The following IRF3 variants were observed in gnomAD, a reference collection of about 807,000 sequenced individuals.
IRF3 encodes interferon regulatory factor 3.
In IRF3, 29 loss-of-function variants were observed where a neutral mutation model predicts 43.2. The observed-to-expected ratio is 0.67, with a 90% CI of 0.50 to 0.91. The LOEUF (loss-of-function observed/expected upper bound fraction) is 0.91, where lower values mean the gene tolerates loss of function less well. Ranked by LOEUF, IRF3 falls within the 40% of genes least tolerant of loss-of-function variation. The probability of loss-of-function intolerance (pLI) is 0.00; values close to 1 mark genes in which losing one functional copy is unlikely to be tolerated. For missense variants in IRF3, 505 were observed against 559.1 expected, an observed-to-expected ratio of 0.90 and a Z score of 0.98; for synonymous variants, 228 against 233.9, an observed-to-expected ratio of 0.97 and a Z score of 0.23.
chr19:49,659,839 G>A lies in IRF3; in HGVS notation c.1099-6C>T. On this transcript the variant is annotated splice_region_variant and splice_polypyrimidine_tract_variant and intron_variant, in intron 7 of 7. Transcript: ENST00000377139. The stretch of plus-strand genomic sequence containing the variant: ...CTGAGGCACGTGGGCACAACCTGCA[G>A]GGGAAGTGGGGACAGGAGTCAGGGA... The A allele has an allele frequency of 6.4e-7, 1 of 1,571,728 alleles. No homozygotes were observed. Among genetic ancestry groups the A allele is most frequent in the African/African-American group, 1.3e-5 (1 of 74,274 alleles).
rs775706732 is a variant in IRF3, at chr19:49,662,505, G to A, written c.521C>T (p.Pro174Leu). 10 of 1,560,954 alleles carry A rather than the reference G, an allele frequency of 6.4e-6. No individual in the cohort carries two copies. In the Admixed American group the frequency reaches 1.5e-4, roughly 23 times the overall value. ...GAAGGGAGTGGGATTGTCCAAGCTGGGGCTCCGCAGGGGCTGAGGGCAGGG... is the reference window on the plus strand; with the variant it reads ...GAAGGGAGTGGGATTGTCCAAGCTGAGGCTCCGCAGGGGCTGAGGGCAGGG... ...PEPCPQPLRS[P>L]SLDNPTPFPN... Residue 174 changes from proline (P) to leucine (L), a missense_variant, in exon 5 of 8, where the codon CCC becomes CTC. By Grantham distance (98) the Pro-to-Leu change is moderately conservative. Transcript: ENST00000377139.
rs747712427 is a variant in IRF3, at chr19:49,663,493, C to T, written c.187G>A (p.Ala63Thr). The T allele has an allele frequency of 7.8e-5, 126 of 1,614,010 alleles. No homozygotes were observed. Among genetic ancestry groups the T allele is most frequent in the Non-Finnish European group, 1.0e-4 (119 of 1,180,012 alleles). Residue 63 changes from alanine to threonine, a missense_variant, in exon 3 of 8, where the codon GCA becomes ACA. Transcript: ENST00000377139. ...IFQAWAEATGAYVPGRDKPDL... is the reference protein window; with the variant it reads ...IFQAWAEATGTYVPGRDKPDL... Reference sequence around the variant, plus strand: ...GGCTTATCCCTCCCGGGAACATATGCACCAGTGGCCTCGGCCCAGGCCTGG... The same window carrying T: ...GGCTTATCCCTCCCGGGAACATATGTACCAGTGGCCTCGGCCCAGGCCTGG...
Position 49,660,593 on chromosome 19 carries a change from C to T in IRF3, c.1098+120G>A, listed in dbSNP as rs994260115. ...CCCGGGGATGAAAAACTGGTTATTG[C>T]AGAGATCTTGGAAGTTGCAGTTTTT... On this transcript the variant is annotated intron_variant, in intron 7 of 7. Coordinates refer to ENST00000377139, the MANE Select transcript of IRF3 (RefSeq NM_001571.6). 1.1e-5 allele frequency: 11 copies of T among 1,037,040 alleles called. No homozygotes were observed. In the African/African-American group the frequency reaches 1.8e-4, roughly 17 times the overall value. The allele number at this position is 1,037,040 out of a possible 1,614,324, so 64.2% of individuals were successfully genotyped here. A position where few individuals can be genotyped will look rare whatever the true frequency, so the allele number is the denominator to read the frequency against.
intron 7 of IRF3, among the ~76,000 whole-genome samples, 176 bp from the exon 8 acceptor site, chr19:49,660,009 ACACACACACACACACACAC>A (rs999226013): frequency 8.2e-6 from 1 of 122,044 alleles, no homozygotes; most frequent in African/African-American, 4.2e-5. Context: ...ACACACACAC[ACACACACACACACACACAC>A]CCCCTGCTGT....
In IRF3 at chr19:49,663,319, C is replaced by T. The variant is rs765206028; in HGVS notation, c.337+24G>A. ...AGGAACCCTTGGGGCCCCAGCCTCCCACACGAACCCCAAGCTGGCAGACCT... is the reference window on the plus strand; with the variant it reads ...AGGAACCCTTGGGGCCCCAGCCTCCTACACGAACCCCAAGCTGGCAGACCT... On this transcript the variant is annotated intron_variant, in intron 3 of 7. Coordinates refer to ENST00000377139, the MANE Select transcript of IRF3 (RefSeq NM_001571.6). 5 of 1,614,122 alleles carry T rather than the reference C, an allele frequency of 3.1e-6. No homozygotes were observed. The Admixed American group carries it at 6.7e-5, about 22-fold the overall frequency.
chr19:49,659,842 G>A lies in IRF3; in HGVS notation c.1099-9C>T. ...AGGCACGTGGGCACAACCTGCAGGG[G>A]AAGTGGGGACAGGAGTCAGGGAAAA... On this transcript the variant is annotated splice_polypyrimidine_tract_variant and intron_variant, in intron 7 of 7. Transcript: ENST00000377139. The A allele has an allele frequency of 6.4e-7, 1 of 1,571,376 alleles. No individual in the cohort carries two copies. Among genetic ancestry groups the A allele is most frequent in the East Asian group, 2.3e-5 (1 of 44,392 alleles).
At position 49,664,733 on chromosome 19, in the gene IRF3, T is replaced by A; in HGVS notation, c.106A>T (p.Ile36Phe). 1 of 1,614,088 alleles carries A rather than the reference T, an allele frequency of 6.2e-7. No individual in the cohort carries two copies. The highest frequency in any genetic ancestry group is 8.5e-7 in the Non-Finnish European group (1 of 1,179,976). The stretch of plus-strand genomic sequence containing the variant: ...TGCCGTAGGCCGTGCTTCCAAGGGA[T>A]GCGGAAGCGCGTGCGGCTCTTGTTC... ...WVNKSRTRFR[I>F]PWKHGLRQDA... Residue 36 changes from isoleucine (I) to phenylalanine (F), a missense_variant, in exon 2 of 8, where the codon ATC (isoleucine) becomes TTC (phenylalanine). By Grantham distance (21) the Ile-to-Phe change is conservative. Coordinates refer to ENST00000377139, the MANE Select transcript of IRF3 (RefSeq NM_001571.6).
At chr19:49,665,231 A>G (rs2081619255) in intron 1 of IRF3, 1 of 211,004 alleles carries the variant, frequency 4.7e-6, no homozygotes, top group Non-Finnish European at 9.7e-6. Flanking sequence ...TACCTCCTGC[A>G]CTTACCCCAA....
In IRF3 at chr19:49,660,735, G is replaced by A. The variant is rs1165785204; in HGVS notation, c.1076C>T (p.Thr359Ile). The A allele has an allele frequency of 6.2e-7, 1 of 1,607,638 alleles. No individual in the cohort carries two copies. The highest frequency in any genetic ancestry group is 8.5e-7 in the Non-Finnish European group (1 of 1,177,522). Residue 359 changes from threonine (T) to isoleucine (I), a missense_variant, in exon 7 of 8, where the codon ACC becomes ATC. Coordinates refer to ENST00000377139, the MANE Select transcript of IRF3 (RefSeq NM_001571.6). ...GESWPQDQPW[T>I]KRLVMVKVVP... ...CACCTTGACCATCACGAGCCTCTTG[G>A]TCCACGGCTGGTCCTGGGGCCATGA...
In IRF3 at chr19:49,664,784, C is replaced by G. The variant is rs751073304; in HGVS notation, c.55G>C (p.Gly19Arg). The G allele has an allele frequency of 5.6e-6, 9 of 1,613,862 alleles. No homozygotes were observed. In the Admixed American group the frequency reaches 1.2e-4, roughly 21 times the overall value. The change falls in exon 2 of 8, where the codon GGG (glycine) becomes CGG (arginine). Residue 19 changes from glycine to arginine, a missense_variant. Gly to Arg is a moderately radical substitution (Grantham distance 125, BLOSUM62 -2). Coordinates refer to ENST00000377139, the MANE Select transcript of IRF3 (RefSeq NM_001571.6). ...LPWLVSQLDLGQLEGVAWVNK... is the reference protein window; with the variant it reads ...LPWLVSQLDLRQLEGVAWVNK... ...ACCCAGGCCACGCCCTCCAGTTGCC[C>G]CAGGTCCAGCTGCGACACCAGCCAG... is the stretch of plus-strand genomic sequence containing the variant.
Position 49,664,748 on chromosome 19 carries a change from G to A in IRF3, c.91C>T (p.Arg31Cys). The A allele has an allele frequency of 6.2e-7, 1 of 1,614,040 alleles. No individual in the cohort carries two copies. The highest frequency in any genetic ancestry group is 1.1e-5 in the South Asian group (1 of 91,086). ...TTCCAAGGGATGCGGAAGCGCGTGC[G>A]GCTCTTGTTCACCCAGGCCACGCCC... Reference protein sequence around the residue: ...LEGVAWVNKSRTRFRIPWKHG... With the variant: ...LEGVAWVNKSCTRFRIPWKHG... The change falls in exon 2 of 8, where the codon CGC becomes TGC. Residue 31 changes from arginine to cysteine, a missense_variant. Coordinates refer to ENST00000377139, the MANE Select transcript of IRF3 (RefSeq NM_001571.6).
In IRF3 at chr19:49,665,255, C is replaced by T. The variant is rs972651037; in HGVS notation, c.-9+376G>A. ...CACTTACCCCAATGTAGACCCCCTT[C>T]CACAGTCCCCCTACAGAAGATCTCC... On this transcript the variant is annotated intron_variant, in intron 1 of 7. Transcript: ENST00000377139. The T allele has an allele frequency of 3.7e-5, 7 of 189,846 alleles. No homozygotes were observed. The Admixed American group carries it at 3.8e-4, about 10-fold the overall frequency. The allele number at this position is 189,846 out of a possible 1,614,324, so 11.8% of individuals were successfully genotyped here.
At chr19:49,660,643 T>G in intron 7 of IRF3, 70 bp downstream of exon 7, 1 of 1,431,436 alleles carries the variant, frequency 7.0e-7, no homozygotes, top group Non-Finnish European at 9.2e-7. Context: ...GGAGTTGGAG[T>G]TCCTGGGAGC....
Position 49,663,534 on chromosome 19 carries a change from A to T in IRF3, c.166-20T>A. 6.2e-7 allele frequency: 1 copy of T among 1,613,056 alleles called. No homozygotes were observed. Among genetic ancestry groups the T allele is most frequent in the Non-Finnish European group, 8.5e-7 (1 of 1,179,588 alleles). On this transcript the variant is annotated intron_variant, in intron 2 of 7. Transcript: ENST00000377139. ...CCAGGCCTGGGGCAACAGTGGTGTCAGGATGGTGGGGGAGGACGACTTAGA... is the reference window on the plus strand; with the variant it reads ...CCAGGCCTGGGGCAACAGTGGTGTCTGGATGGTGGGGGAGGACGACTTAGA...
chr19:49,660,790 G>C lies in IRF3; in HGVS notation c.1021C>G (p.Arg341Gly). Residue 341 changes from arginine (R) to glycine (G), a missense_variant, in exon 7 of 8, where the codon CGC becomes GGC. By Grantham distance (125) the Arg-to-Gly change is moderately radical. Coordinates refer to ENST00000377139, the MANE Select transcript of IRF3 (RefSeq NM_001571.6). Reference protein sequence around the residue: ...TFTEGSGRSPRYALWFCVGES... With the variant: ...TFTEGSGRSPGYALWFCVGES... Reference sequence around the variant, plus strand: ...CCCACACAGAACCAGAGGGCATAGCGTGGTGAGCGTCCGCTTCCTTCCGTG... The same window carrying C: ...CCCACACAGAACCAGAGGGCATAGCCTGGTGAGCGTCCGCTTCCTTCCGTG... 6.2e-7 allele frequency: 1 copy of C among 1,609,688 alleles called. No individual in the cohort carries two copies. The highest frequency in any genetic ancestry group is 8.5e-7 in the Non-Finnish European group (1 of 1,178,336).
At chr19:49,664,907 G>C in intron 1 of IRF3, 61 bp from the exon 2 acceptor site, 1 of 1,525,682 alleles carries the variant, frequency 6.6e-7, no homozygotes, top group Non-Finnish European at 8.8e-7. Context: ...CTGGCCTGGA[G>C]TTTCCGCACC....
chr19:49,663,398 C>G lies in IRF3; in HGVS notation c.282G>C (p.Glu94Asp). ...GGTCGTGAGGGTCCTTGCTCCGGTCCTCTGCTAAACGCAACCCTTCTTTGC... is the reference window on the plus strand; with the variant it reads ...GGTCGTGAGGGTCCTTGCTCCGGTCGTCTGCTAAACGCAACCCTTCTTTGC... ...LNRKEGLRLA[E>D]DRSKDPHDPH... Residue 94 changes from glutamate (E) to aspartate (D), a missense_variant, in exon 3 of 8, where the codon GAG (glutamate) becomes GAC (aspartate). Coordinates refer to ENST00000377139, the MANE Select transcript of IRF3 (RefSeq NM_001571.6). 1 of 1,614,206 alleles carries G rather than the reference C, an allele frequency of 6.2e-7. No homozygotes were observed. Among genetic ancestry groups the G allele is most frequent in the Non-Finnish European group, 8.5e-7 (1 of 1,180,032 alleles).
rs1443563302 is a variant in IRF3 at position 49,665,813 on chromosome 19, C to T, written c.-191G>A. 1.3e-6 allele frequency: 2 copies of T among 1,584,546 alleles called. No homozygotes were observed. The highest frequency in any genetic ancestry group is 1.1e-5 in the South Asian group (1 of 90,250). On this transcript the variant is annotated 5_prime_UTR_variant, in exon 1 of 8. Coordinates refer to ENST00000377139, the MANE Select transcript of IRF3 (RefSeq NM_001571.6). Reference sequence around the variant, plus strand: ...ACTTTATCATTCTTTGGGTAACAGACCCAAAAGCCGATGGGACGGCCCGCT... The same window carrying T: ...ACTTTATCATTCTTTGGGTAACAGATCCAAAAGCCGATGGGACGGCCCGCT...
At position 49,663,150 on chromosome 19, in the gene IRF3, C is replaced by T. The variant is rs183288452; in HGVS notation, c.408+38G>A. 3.3e-4 allele frequency: 520 copies of T among 1,559,550 alleles called. 5 individuals are homozygous for T. The South Asian group carries it at 4.3e-3, about 13-fold the overall frequency. ...GAGGACAAGGCCCATGGAGACAGGT[C>T]GGAGACTGAGGGGCATGAAAGTTGG... is the stretch of plus-strand genomic sequence containing the variant. On this transcript the variant is annotated intron_variant, in intron 4 of 7. Coordinates refer to ENST00000377139, the MANE Select transcript of IRF3 (RefSeq NM_001571.6).
Sources: allele counts gnomAD v4.1 joint callset (sites outside exome capture counted in the v4.1 genomes callset), GRCh38; gene constraint gnomAD v4.1.1; transcripts MANE v1.5; gene names NCBI Gene and HGNC (gene_info 2026-07-23, HGNC 2026-07-21).